The following SVIL variants were observed in gnomAD, a reference collection of about 807,000 sequenced individuals.
The protein encoded by SVIL is supervillin, also known as archvillin.
In SVIL, 101 loss-of-function variants were observed where a neutral mutation model predicts 240.4. The observed-to-expected ratio is 0.42, with a 90% CI of 0.36 to 0.50. SVIL has a LOEUF of 0.50. SVIL is among the 20% of genes least tolerant of loss of function. The probability of loss-of-function intolerance (pLI) is 0.01; values close to 1 mark genes in which losing one functional copy is unlikely to be tolerated. For synonymous variants in SVIL, 999 were observed against 1,100.0 expected (o/e 0.91, Z 1.82); for missense variants, 2,512 against 2,818.7 (o/e 0.89, Z 2.46).
At chr10:29,509,831 C>G (rs1006312378) in intron 17 of SVIL, among the ~76,000 whole-genome samples, 1 of 151,988 alleles carries the variant, frequency 6.6e-6, no homozygotes, top group Non-Finnish European at 1.5e-5. Context: ...GCCTGGGCAA[C>G]GAGAATGAAA....
upstream of SVIL, among the ~76,000 whole-genome samples, chr10:29,639,659 G>A (rs1047682127): frequency 3.3e-5 from 5 of 151,930 alleles, no homozygotes; most frequent in African/African-American, 1.2e-4. Flanking sequence ...AGTAGACAGG[G>A]TTTCACCATG....
At position 29,503,137 on chromosome 10, in the gene SVIL, A is replaced by G. The variant is rs563656172; in HGVS notation, c.3517-3874T>C. Among the ~76,000 whole-genome samples, 7 of 152,362 alleles carry G rather than the reference A, an allele frequency of 4.6e-5. No individual in the cohort carries two copies. In the South Asian group the frequency reaches 1.4e-3, roughly 32 times the overall value. ...TGAAAGGAACAAAGTTGTACTTTTC[A>G]GTTTTCAAAAATGCTAAGATCATTT... On this transcript the variant is annotated intron_variant, in intron 17 of 37. Coordinates refer to ENST00000355867, the MANE Select transcript of SVIL (RefSeq NM_021738.3).
At chr10:29,535,286 C>A (rs914839907) in intron 7 of SVIL, among the ~76,000 whole-genome samples, 3 of 152,084 alleles carry the variant, frequency 2.0e-5, no homozygotes, top group Admixed American at 2.0e-4. Context: ...ATACTTAAAA[C>A]GTTTGTTAAT....
At chr10:29,622,502 G>A (rs1427987866) in intron 1 of SVIL, among the ~76,000 whole-genome samples, 1 of 152,082 alleles carries the variant, frequency 6.6e-6, no homozygotes, top group African/African-American at 2.4e-5. Flanking sequence ...TCATTGGAAG[G>A]AATGAATAAA....
At chr10:29,566,766 G>T (rs34841513) in intron 2 of SVIL, among the ~76,000 whole-genome samples, 1 of 152,016 alleles carries the variant, frequency 6.6e-6, no homozygotes, top group Non-Finnish European at 1.5e-5. Context: ...AGACTGGTAG[G>T]GCCCATTACT....
intron 1 of SVIL, among the ~76,000 whole-genome samples, chr10:29,596,989 A>G (rs1956616382): frequency 6.6e-6 from 1 of 152,142 alleles, no homozygotes; most frequent in Admixed American, 6.5e-5. Flanking sequence ...AGGGCAGGAG[A>G]GGGCTCTCCC....
chr10:29,533,609 T>C lies in SVIL; in HGVS notation c.909-151A>G, dbSNP rs1206568884. ...CATTTTGGTGTCTAATGTCAACTAC[T>C]TGTCAGATGATCCTGAGTTGAGTTT... On this transcript the variant is annotated intron_variant, in intron 7 of 37. Transcript: ENST00000355867. 18 of 1,357,712 alleles carry C rather than the reference T, an allele frequency of 1.3e-5. No individual in the cohort carries two copies. The African/African-American group carries it at 2.6e-4, about 20-fold the overall frequency. 84.1% of individuals were successfully genotyped at this position (1,357,712 alleles called of 1,614,324 possible). A position where few individuals can be genotyped will look rare whatever the true frequency, so the allele number is the denominator to read the frequency against.
intron 6 of SVIL, among the ~76,000 whole-genome samples, chr10:29,545,600 T>C (rs1347979341): frequency 1.3e-5 from 2 of 152,120 alleles, no homozygotes; most frequent in Non-Finnish European, 2.9e-5. Flanking sequence ...CTCACGCCTG[T>C]AATCCCAGCA....
At chr10:29,632,848 C>T (rs936145379) in intron 1 of SVIL, among the ~76,000 whole-genome samples, 4 of 152,100 alleles carry the variant, frequency 2.6e-5, no homozygotes, top group Non-Finnish European at 5.9e-5. Context: ...TTAACACACA[C>T]ACACACACAC....
intron 1 of SVIL, among the ~76,000 whole-genome samples, chr10:29,715,236 G>A (rs939139261): frequency 6.6e-6 from 1 of 152,090 alleles, no homozygotes; most frequent in African/African-American, 2.4e-5. Context: ...ATTCTAGAAT[G>A]CTTTATATCA....
At chr10:29,595,559 C>T (rs1029567487) in intron 1 of SVIL, among the ~76,000 whole-genome samples, 3 of 152,214 alleles carry the variant, frequency 2.0e-5, no homozygotes, top group Non-Finnish European at 2.9e-5. Context: ...TTTCACTAAT[C>T]GTTTTCTTAA....
At chr10:29,499,284 G>A (rs1399828423) in intron 17 of SVIL, 21 bp from the exon 18 acceptor site, 1 of 1,613,854 alleles carries the variant, frequency 6.2e-7, no homozygotes, top group African/African-American at 1.3e-5. Flanking sequence ...ATGTACAGAA[G>A]AGAAAACAGG....
In SVIL at chr10:29,532,785, C is replaced by T. The variant is rs115256548; in HGVS notation, c.1582G>A (p.Ala528Thr). Reference protein sequence around the residue: ...YIQSEPVSQDAKPTGHNREAS... With the variant: ...YIQSEPVSQDTKPTGHNREAS... ...TCCCTGTTGTGACCAGTTGGTTTGG[C>T]GTCTTGGGACACAGGCTCACTTTGA... The change falls in exon 8 of 38, where the codon GCC (alanine) becomes ACC (threonine). Residue 528 changes from alanine (A) to threonine (T), a missense_variant. This residue lies in a region of SVIL where 1,443 missense variants were observed against 1,486.6 expected (regional missense o/e 0.97). Transcript: ENST00000355867. 110 of 1,613,986 alleles carry T rather than the reference C, an allele frequency of 6.8e-5. No individual in the cohort carries two copies. The highest frequency in any genetic ancestry group is 8.3e-5 in the Non-Finnish European group (98 of 1,180,022).
chr10:29,595,000 C>A (rs1279991782), intron 1 of SVIL, among the ~76,000 whole-genome samples: 1 of 152,228 alleles, frequency 6.6e-6, no homozygotes, highest in African/African-American at 2.4e-5. Flanking sequence ...GGAAGAGATG[C>A]TGGTCCTGGA....
chr10:29,611,926 T>C (rs2132876282), intron 1 of SVIL, among the ~76,000 whole-genome samples: 1 of 152,246 alleles, frequency 6.6e-6, no homozygotes, highest in South Asian at 2.1e-4. Context: ...TCTCATTCCA[T>C]GGACTTTACG....
intron 12 of SVIL, among the ~76,000 whole-genome samples, chr10:29,528,174 A>G (rs1213980363): frequency 2.6e-5 from 4 of 152,198 alleles, no homozygotes; most frequent in Admixed American, 2.6e-4. Flanking sequence ...TACACCAGCC[A>G]TTCAAATATT....
chr10:29,729,123 A>G (rs1307570874), intron 1 of SVIL, among the ~76,000 whole-genome samples: 1 of 152,190 alleles, frequency 6.6e-6, no homozygotes, highest in Non-Finnish European at 1.5e-5. Context: ...CCCCTCCCCA[A>G]CTAAGCTCAT....
chr10:29,636,053 C>T (rs994270804), upstream of SVIL, among the ~76,000 whole-genome samples: 1 of 151,976 alleles, frequency 6.6e-6, no homozygotes, highest in Non-Finnish European at 1.5e-5. Flanking sequence ...AATAATTAAA[C>T]ATTGGCTTCA....
At chr10:29,473,702 C>G (rs559672327) in intron 30 of SVIL, 136 bp downstream of exon 30, 2 of 1,170,746 alleles carry the variant, frequency 1.7e-6, no homozygotes, top group Admixed American at 5.1e-5. Flanking sequence ...AGAAGCCAGA[C>G]CAGGACTGAA....
Sources: gnomAD v4.1 joint callset for allele counts (sites outside exome capture counted in the v4.1 genomes callset) on GRCh38, gnomAD v4.1.1 for gene constraint, gnomAD v4.1.1 regional missense constraint, MANE v1.5 for transcripts, NCBI Gene and HGNC (gene_info 2026-07-23, HGNC 2026-07-21) for gene names.